PROZ: variants seen among roughly 807,000 people sequenced by gnomAD.
The protein encoded by PROZ is vitamin K-dependent protein Z.
Under a neutral mutation model 34.9 loss-of-function variants are expected in PROZ, and 46 were observed. The observed-to-expected ratio is 1.32, with a 90% CI of 1.04 to 1.69. The LOEUF (loss-of-function observed/expected upper bound fraction) is 1.69. PROZ is among the 40% of genes most tolerant of loss of function. The pLI is 0.00. For synonymous variants in PROZ, 195 were observed against 208.5 expected, an observed-to-expected ratio of 0.94 and a Z score of 0.56; for missense variants, 530 against 520.4, an observed-to-expected ratio of 1.02 and a Z score of -0.18.
intron 6 of PROZ, among the ~76,000 whole-genome samples, chr13:113,166,876 G>A (rs996793542): frequency 3.3e-5 from 5 of 152,092 alleles, no homozygotes; most frequent in African/African-American, 9.7e-5. Context: ...GAGAGGGTGC[G>A]GTTCTAGTCT....
In PROZ at chr13:113,159,898, A is replaced by C; in HGVS notation, c.71-116A>C. The stretch of plus-strand genomic sequence containing the variant: ...GGCCCTGAGGCCCTCGCAGGCTGAG[A>C]GCCTGTGGAGACGGACGGGGCTGGG... On this transcript the variant is annotated intron_variant, in intron 1 of 7. Coordinates refer to ENST00000375547, the MANE Select transcript of PROZ (RefSeq NM_003891.3). The surrounding 1 kb of genome is among the most constrained non-coding windows in gnomAD (Gnocchi z 4.6). 7.9e-7 allele frequency: 1 copy of C among 1,272,438 alleles called. No individual in the cohort carries two copies. Among genetic ancestry groups the C allele is most frequent in the Non-Finnish European group, 1.1e-6 (1 of 873,564 alleles). The allele number at this position is 1,272,438 out of a possible 1,614,324, so 78.8% of individuals were successfully genotyped here.
At chr13:113,169,700 T>G (rs1159149116) in intron 6 of PROZ, among the ~76,000 whole-genome samples, 2 of 152,246 alleles carry the variant, frequency 1.3e-5, no homozygotes, top group Non-Finnish European at 2.9e-5. Flanking sequence ...CGTGCCCCAC[T>G]GAGTCAGGGA....
rs553971008 is a variant in PROZ at position 113,164,786 on chromosome 13, C to T, written c.505+142C>T. ...ACTCAGAAGGTGGTCCGCGTCTCCA[C>T]GCTGGAGCAATGGCCATGCTAGAAA... On this transcript the variant is annotated intron_variant, in intron 5 of 7. Transcript: ENST00000375547. 49 of 1,354,884 alleles carry T rather than the reference C, an allele frequency of 3.6e-5. No homozygotes were observed. In the African/African-American group the frequency reaches 6.1e-4, roughly 17 times the overall value. 83.9% of individuals were successfully genotyped at this position (1,354,884 alleles called of 1,614,324 possible).
At chr13:113,167,858 C>G (rs1207976998) in intron 6 of PROZ, among the ~76,000 whole-genome samples, 1 of 152,070 alleles carries the variant, frequency 6.6e-6, no homozygotes, top group African/African-American at 2.4e-5. Flanking sequence ...GTTCTTTTCC[C>G]CTTTTTCTGC....
chr13:113,160,942 C>CT lies in PROZ; in HGVS notation c.235-5dup, dbSNP rs2036748522. The CT allele has an allele frequency of 6.2e-7, 1 of 1,600,858 alleles. No homozygotes were observed. The highest frequency in any genetic ancestry group is 2.2e-5 in the East Asian group (1 of 44,854). On this transcript the variant is annotated splice_region_variant and splice_polypyrimidine_tract_variant and intron_variant, in intron 2 of 7. Coordinates refer to ENST00000375547, the MANE Select transcript of PROZ (RefSeq NM_003891.3). ...TTTGTAACATTTTTATGTTTTAACT[C>CT]TAAAGGATGAATTCTGGAGACGATA...
chr13:113,165,123 AAC>A lies in PROZ; in HGVS notation c.573+5_573+6del. 3 of 1,610,600 alleles carry A rather than the reference AAC, an allele frequency of 1.9e-6. No homozygotes were observed. The highest frequency in any genetic ancestry group is 2.5e-6 in the Non-Finnish European group (3 of 1,179,570). On this transcript the variant is annotated splice_donor_5th_base_variant and intron_variant, in intron 6 of 7. Coordinates refer to ENST00000375547, the MANE Select transcript of PROZ (RefSeq NM_003891.3). Reference sequence around the variant, plus strand: ...ATCTACAGGACCTCCCGTGGCAGGTAACAGAGCGCTCTCCGCGTGCTTCAATT... The same window carrying A: ...ATCTACAGGACCTCCCGTGGCAGGTAAGAGCGCTCTCCGCGTGCTTCAATT...
intron 6 of PROZ, among the ~76,000 whole-genome samples, chr13:113,169,694 C>A (rs1484778539): frequency 1.3e-5 from 2 of 152,226 alleles, no homozygotes; most frequent in Non-Finnish European, 2.9e-5. Flanking sequence ...CTGCCCCGTG[C>A]CCCACTGAGT....
rs1226712850 is a variant in PROZ at position 113,160,189 on chromosome 13, C to T, written c.234+12C>T. 2 of 1,613,346 alleles carry T rather than the reference C, an allele frequency of 1.2e-6. No individual in the cohort carries two copies. Among genetic ancestry groups the T allele is most frequent in the East Asian group, 4.5e-5 (2 of 44,894 alleles). Reference sequence around the variant, plus strand: ...ATGAAGTAGTCACTGTATGTACCCCCACCACAAACCACAGGCCTCCTCATT... The same window carrying T: ...ATGAAGTAGTCACTGTATGTACCCCTACCACAAACCACAGGCCTCCTCATT... On this transcript the variant is annotated intron_variant, in intron 2 of 7. Transcript: ENST00000375547.
rs1361808365 is a variant in PROZ at position 113,171,185 on chromosome 13, A to G, written c.692-409A>G. On this transcript the variant is annotated intron_variant, in intron 7 of 7. Coordinates refer to ENST00000375547, the MANE Select transcript of PROZ (RefSeq NM_003891.3). This position sits in a 1 kb window ranked among gnomAD's most constrained non-coding sequence, Gnocchi z 5.1. ...TGATCGACCTGCCTCGGCCTCCCGA[A>G]GCGCTGGGATTACAGATGTGAGCCA... Among the ~76,000 whole-genome samples, 1 of 152,192 alleles carries G rather than the reference A, an allele frequency of 6.6e-6. No homozygotes were observed. Among genetic ancestry groups the G allele is most frequent in the Non-Finnish European group, 1.5e-5 (1 of 68,026 alleles).
chr13:113,161,614 G>A (rs557213607), intron 3 of PROZ, among the ~76,000 whole-genome samples: 24 of 152,266 alleles, frequency 1.6e-4, no homozygotes, highest in African/African-American at 5.1e-4. Flanking sequence ...AGGGGACCGC[G>A]TGCGGACGAA....
Position 113,159,535 on chromosome 13 carries a change from A to C in PROZ, c.71-479A>C, listed in dbSNP as rs956188005. 3.9e-5 allele frequency among the ~76,000 whole-genome samples: 6 copies of C among 152,106 alleles called. No homozygotes were observed. Among genetic ancestry groups the C allele is most frequent in the African/African-American group, 1.4e-4 (6 of 41,394 alleles). On this transcript the variant is annotated intron_variant, in intron 1 of 7. Transcript: ENST00000375547. The surrounding 1 kb of genome is among the most constrained non-coding windows in gnomAD (Gnocchi z 4.6). The stretch of plus-strand genomic sequence containing the variant: ...CTCCAGAGACCACTGCCGCGGGTCA[A>C]CTCATTTGCCTTCTCCTCCTGGAAA...
At position 113,164,529 on chromosome 13, in the gene PROZ, C is replaced by T. The variant is rs776906794; in HGVS notation, c.390C>T (p.His130=). 3.1e-6 allele frequency: 5 copies of T among 1,613,040 alleles called. No homozygotes were observed. The highest frequency in any genetic ancestry group is 4.2e-6 in the Non-Finnish European group (5 of 1,179,910). Residue 130 remains histidine, a synonymous_variant, in exon 5 of 8, where the codon CAC becomes CAT. Transcript: ENST00000375547. ...SNCELAKNEC[H]PERTDGCQHF... is the part of the protein sequence containing the mutation. ...CCTTTTCAGCTAAAAATGAATGTCA[C>T]CCAGAGCGGACTGATGGGTGTCAAC... is the stretch of plus-strand genomic sequence containing the variant.
chr13:113,166,849 C>A (rs1411416793), intron 6 of PROZ, among the ~76,000 whole-genome samples: 1 of 152,132 alleles, frequency 6.6e-6, no homozygotes, highest in Non-Finnish European at 1.5e-5. Context: ...TCCAGCTTCC[C>A]AGCTTACCCA....
chr13:113,171,532 T>C lies in PROZ; in HGVS notation c.692-62T>C. On this transcript the variant is annotated intron_variant, in intron 7 of 7. Transcript: ENST00000375547. The surrounding 1 kb of genome is among the most constrained non-coding windows in gnomAD (Gnocchi z 5.1). The stretch of plus-strand genomic sequence containing the variant: ...TCACGTGGCTCCCTGAGAAGCTCGT[T>C]TGAGCATTATGTCCCCTTGAAAATC... 1 of 1,608,408 alleles carries C rather than the reference T, an allele frequency of 6.2e-7. No individual in the cohort carries two copies. Among genetic ancestry groups the C allele is most frequent in the Non-Finnish European group, 8.5e-7 (1 of 1,177,278 alleles).
chr13:113,163,170 G>A, intron 4 of PROZ, 48 bp downstream of exon 4: 2 of 1,441,130 alleles, frequency 1.4e-6, no homozygotes, highest in Non-Finnish European at 1.9e-6. Context: ...CTGGGCAGGT[G>A]GGCCTCACAT....
In PROZ at chr13:113,158,747, C is replaced by A; in HGVS notation, c.70+17C>A. The A allele has an allele frequency of 3.1e-6, 5 of 1,589,852 alleles. No individual in the cohort carries two copies. On this transcript the variant is annotated intron_variant, in intron 1 of 7. Coordinates refer to ENST00000375547, the MANE Select transcript of PROZ (RefSeq NM_003891.3). The surrounding 1 kb of genome is among the most constrained non-coding windows in gnomAD (Gnocchi z 4.3). ...AGCCCTCAGGTAGGCATCTGGCTTACCTGTCTGTTGTGCCTGTGCTGTGTC... is the reference window on the plus strand; with the variant it reads ...AGCCCTCAGGTAGGCATCTGGCTTAACTGTCTGTTGTGCCTGTGCTGTGTC...
In PROZ at chr13:113,171,784, A is replaced by G; in HGVS notation, c.882A>G (p.Pro294=). ...ACTTCGCTGAGCACCTCCTCATCCC[A>G]CGCACCAGGGGCCTCCTCAGCGGCT... ...EKDFAEHLLI[P]RTRGLLSGWA... is the part of the protein sequence containing the mutation. Residue 294 remains proline (P), a synonymous_variant, in exon 8 of 8, where the codon CCA becomes CCG. Coordinates refer to ENST00000375547, the MANE Select transcript of PROZ (RefSeq NM_003891.3). The surrounding 1 kb of genome is among the most constrained non-coding windows in gnomAD (Gnocchi z 5.1). 6.2e-7 allele frequency: 1 copy of G among 1,612,684 alleles called. No individual in the cohort carries two copies. The highest frequency in any genetic ancestry group is 1.1e-5 in the South Asian group (1 of 91,064).
chr13:113,163,137 G>A lies in PROZ; in HGVS notation c.373+15G>A, dbSNP rs1256436392. On this transcript the variant is annotated intron_variant, in intron 4 of 7. Transcript: ENST00000375547. ...CTGCGAGCTGGGTGAGGCCCCGGCC[G>A]TCCCCTTCCCCCAAGGGCCTCCCTG... 9.8e-6 allele frequency: 15 copies of A among 1,538,144 alleles called. 1 individual carries two copies. The highest frequency in any genetic ancestry group is 2.4e-5 in the East Asian group (1 of 40,860).
chr13:113,169,193 G>A (rs2037037830), intron 6 of PROZ, among the ~76,000 whole-genome samples: 1 of 152,158 alleles, frequency 6.6e-6, no homozygotes. Flanking sequence ...TTTCTGTTGT[G>A]ATGCCTTCAA....
Sources: gnomAD v4.1 joint callset for allele counts (sites outside exome capture counted in the v4.1 genomes callset) on GRCh38, gnomAD v4.1.1 for gene constraint, Gnocchi (gnomAD v3.1) non-coding constraint, MANE v1.5 for transcripts, NCBI Gene and HGNC (gene_info 2026-07-23, HGNC 2026-07-21) for gene names.